The following SNTG2 variants were observed in gnomAD, a reference collection of about 807,000 sequenced individuals.
SNTG2 encodes the protein syntrophin gamma 2.
A neutral mutation model predicts 70.9 loss-of-function variants in SNTG2; 74 were observed. That is an observed-to-expected ratio of 1.04 (90% CI 0.86 to 1.27). The LOEUF is 1.27. Among genes scored for constraint, SNTG2 ranks in the 50% most tolerant of loss-of-function variants. SNTG2 has a pLI of 0.00. For synonymous variants in SNTG2, 278 were observed against 273.8 expected, an observed-to-expected ratio of 1.02 and a Z score of -0.15; for missense variants, 717 against 690.7, an observed-to-expected ratio of 1.04 and a Z score of -0.43.
chr2:1,328,918 T>TAC (rs35428712), intron 16 of SNTG2, among the ~76,000 whole-genome samples: 82,574 of 151,514 alleles, frequency 0.54, 22,493 homozygotes, highest in Middle Eastern at 0.67. Flanking sequence ...CATGCACACA[T>TAC]ACACACGCAC....
At chr2:1,274,804 G>A (rs1679203977) in intron 14 of SNTG2, among the ~76,000 whole-genome samples, 1 of 152,228 alleles carries the variant, frequency 6.6e-6, no homozygotes, top group Non-Finnish European at 1.5e-5. Context: ...CCTGGCTGCT[G>A]GGCCCCTGCA....
intron 9 of SNTG2, among the ~76,000 whole-genome samples, chr2:1,220,599 C>T (rs1441460500): frequency 1.3e-5 from 2 of 152,236 alleles, no homozygotes; most frequent in Non-Finnish European, 2.9e-5. Context: ...GTTTCTTTCT[C>T]ATTACGCCAT....
intron 9 of SNTG2, among the ~76,000 whole-genome samples, chr2:1,230,655 G>C (rs1445290084): frequency 6.6e-6 from 1 of 152,214 alleles, no homozygotes; most frequent in South Asian, 2.1e-4. Flanking sequence ...GCAGTGCCCA[G>C]ATCCATGGGT....
At chr2:951,971 G>C (rs1337904478) in intron 1 of SNTG2, among the ~76,000 whole-genome samples, 1 of 152,182 alleles carries the variant, frequency 6.6e-6, no homozygotes, top group East Asian at 1.9e-4. Flanking sequence ...CACGGGTTGA[G>C]GGCTGCTACA....
intron 1 of SNTG2, among the ~76,000 whole-genome samples, chr2:1,038,635 C>G (rs553654622): frequency 4.6e-5 from 7 of 152,326 alleles, no homozygotes; most frequent in Admixed American, 2.6e-4. Flanking sequence ...GAGGATTTAT[C>G]TTCTAAAGAA....
At chr2:1,059,555 C>T (rs1295131626) in intron 1 of SNTG2, among the ~76,000 whole-genome samples, 2 of 152,000 alleles carry the variant, frequency 1.3e-5, no homozygotes, top group Admixed American at 6.6e-5. Context: ...CTTTTGGATA[C>T]GTAATTTGTA....
chr2:1,365,528 A>G (rs56151934), intron 16 of SNTG2, among the ~76,000 whole-genome samples: 109,568 of 151,834 alleles, frequency 0.72, 39,830 homozygotes, highest in East Asian at 0.94. Context: ...TTCTTTGTGT[A>G]TCCCTGCATG....
At chr2:1,026,830 C>T (rs1660504786) in intron 1 of SNTG2, among the ~76,000 whole-genome samples, 1 of 152,198 alleles carries the variant, frequency 6.6e-6, no homozygotes, top group South Asian at 2.1e-4. Flanking sequence ...CTTCCTCTTC[C>T]TGCTCTTTGC....
chr2:1,081,842 G>C (rs1416691113), intron 1 of SNTG2, among the ~76,000 whole-genome samples: 1 of 152,256 alleles, frequency 6.6e-6, no homozygotes, highest in Non-Finnish European at 1.5e-5. Context: ...ATTGGGTGCA[G>C]TTTTACTTAT....
intron 14 of SNTG2, among the ~76,000 whole-genome samples, chr2:1,300,879 A>G (rs957768657): frequency 3.9e-5 from 6 of 152,126 alleles, no homozygotes; most frequent in African/African-American, 1.4e-4. Flanking sequence ...AATCTTTATT[A>G]TCTGGATTTT....
At chr2:1,049,491 C>G (rs1661932426) in intron 1 of SNTG2, among the ~76,000 whole-genome samples, 1 of 152,160 alleles carries the variant, frequency 6.6e-6, no homozygotes, top group African/African-American at 2.4e-5. Context: ...GGCTTGCCTT[C>G]TCCTTTTGTT....
At chr2:957,248 G>A (rs964332091) in intron 1 of SNTG2, among the ~76,000 whole-genome samples, 2 of 147,636 alleles carry the variant, frequency 1.4e-5, no homozygotes, top group African/African-American at 5.2e-5. Context: ...ATCATGGTCT[G>A]CAGCAAGGTA....
intron 6 of SNTG2, among the ~76,000 whole-genome samples, chr2:1,150,821 A>C (rs1260891549): frequency 6.6e-6 from 1 of 152,148 alleles, no homozygotes; most frequent in Non-Finnish European, 1.5e-5. Context: ...CCTCTCATGA[A>C]TAGCCCTGTG....
chr2:1,160,355 A>G (rs954703142), intron 6 of SNTG2: 1 of 152,196 alleles, frequency 6.6e-6, no homozygotes, highest in African/African-American at 2.4e-5. Flanking sequence ...TATAAAAATC[A>G]GACTCTTTGA....
At chr2:1,056,852 GGAGA>G (rs576939028) in intron 1 of SNTG2, among the ~76,000 whole-genome samples, 1 of 78,450 alleles carries the variant, frequency 1.3e-5, no homozygotes, top group African/African-American at 5.8e-5. Context: ...CTGTGGGGAG[GGAGA>G]GAGGGAGAGC....
intron 1 of SNTG2, among the ~76,000 whole-genome samples, chr2:975,593 C>G (rs1431967336): frequency 6.6e-6 from 1 of 152,104 alleles, no homozygotes; most frequent in Non-Finnish European, 1.5e-5. Flanking sequence ...AAAACAGAAC[C>G]CTCTACATAC....
intron 1 of SNTG2, among the ~76,000 whole-genome samples, chr2:1,048,080 A>C (rs979735304): frequency 6.6e-6 from 1 of 152,080 alleles, no homozygotes; most frequent in African/African-American, 2.4e-5. Context: ...TTAATGTATA[A>C]ATTTATTCCT....
intron 9 of SNTG2, among the ~76,000 whole-genome samples, chr2:1,221,791 CTGTCTG>C (rs1319484672): frequency 1.3e-4 from 1 of 7,788 alleles, no homozygotes; most frequent in African/African-American, 6.9e-4. Context: ...GTCTCTGTCT[CTGTCTG>C]TCTCTGTCTC....
chr2:965,551 C>A (rs944965353), intron 1 of SNTG2, among the ~76,000 whole-genome samples: 1 of 143,910 alleles, frequency 6.9e-6, no homozygotes, highest in Non-Finnish European at 1.5e-5. Context: ...TCCTTGACCC[C>A]CTGGTCCTCT....
Sources: gnomAD v4.1 joint callset for allele counts (sites outside exome capture counted in the v4.1 genomes callset) on GRCh38, gnomAD v4.1.1 for gene constraint, MANE v1.5 for transcripts, NCBI Gene and HGNC (gene_info 2026-07-23, HGNC 2026-07-21) for gene names.